Variants in SH3BP1 observed in about 807,000 individuals in gnomAD.
The protein encoded by SH3BP1 is SH3 domain-binding protein 1.
SH3BP1 carries 46 observed loss-of-function variants against 69.8 expected under a neutral mutation model. The observed-to-expected ratio is 0.66, with a 90% CI of 0.52 to 0.84. The LOEUF (loss-of-function observed/expected upper bound fraction) is 0.84. SH3BP1 is among the 40% of genes least tolerant of loss of function. SH3BP1 has a pLI of 0.00. For missense variants in SH3BP1, 868 were observed against 930.9 expected (o/e 0.93, Z 0.88); for synonymous variants, 403 against 378.0 (o/e 1.07, Z -0.77).
At chr22:37,645,629 G>A (rs1249221449) in intron 10 of SH3BP1, 119 bp downstream of exon 10, 1 of 1,199,088 alleles carries the variant, frequency 8.3e-7, no homozygotes, top group Non-Finnish European at 1.2e-6. Context: ...AGCTCCCTGG[G>A]AGAAGACATG....
chr22:37,655,585 A>G lies in SH3BP1; in HGVS notation c.2007A>G (p.Thr669=). 1 of 1,591,748 alleles carries G rather than the reference A, an allele frequency of 6.3e-7. No homozygotes were observed. Among genetic ancestry groups the G allele is most frequent in the South Asian group, 1.1e-5 (1 of 87,812 alleles). ...NPAQVDLGAA[T]AEGGAPEAIS... ...CACAGGTGGACCTGGGGGCTGCCAC[A>G]GCAGAGGGAGGAGCCCCTGAGGCTA... The change falls in exon 18 of 18, where the codon ACA becomes ACG. Residue 669 remains threonine (T), a synonymous_variant. Coordinates refer to ENST00000649765, the MANE Select transcript of SH3BP1 (RefSeq NM_018957.6).
In SH3BP1 at chr22:37,648,321, A is replaced by G; in HGVS notation, c.1202A>G (p.Tyr401Cys). 6.3e-7 allele frequency: 1 copy of G among 1,582,906 alleles called. No individual in the cohort carries two copies. Among genetic ancestry groups the G allele is most frequent in the African/African-American group, 1.3e-5 (1 of 74,688 alleles). ...CCTAAGCCTGCCTCCGCCCTTAGGT[A>G]CCTGATGAAGTTCCTGGCACGGCTG... ...LPPENLSNLR[Y>C]LMKFLARLAE... is the part of the protein sequence containing the mutation. The change falls in exon 14 of 18, where the codon TAC becomes TGC. Residue 401 changes from tyrosine to cysteine, a missense_variant and splice_region_variant. By Grantham distance (194) the Tyr-to-Cys change is radical. This residue lies in a region of SH3BP1 where 474 missense variants were observed against 462.3 expected (regional missense o/e 1.03). Transcript: ENST00000649765.
Position 37,655,851 on chromosome 22 carries a change from C to T in SH3BP1, c.*167C>T, listed in dbSNP as rs1290171652. ...CATGGCCAGGAGGGCTCAGGACAAT[C>T]CTCTATTTCCTGACCTTTTCCTCGT... On this transcript the variant is annotated 3_prime_UTR_variant, in exon 18 of 18. Transcript: ENST00000649765. 2.2e-5 allele frequency: 34 copies of T among 1,515,948 alleles called. No individual in the cohort carries two copies. Among genetic ancestry groups the T allele is most frequent in the Non-Finnish European group, 2.8e-5 (32 of 1,139,208 alleles). 93.9% of individuals were successfully genotyped at this position (1,515,948 alleles called of 1,614,324 possible). A position where few individuals can be genotyped will look rare whatever the true frequency, so the allele number is the denominator to read the frequency against.
At chr22:37,642,648 G>A (rs778380790) in intron 4 of SH3BP1, 33 bp downstream of exon 4, 4 of 1,612,966 alleles carry the variant, frequency 2.5e-6, no homozygotes, top group East Asian at 2.2e-5. Context: ...CCTCACCTGG[G>A]GATACCAAGA....
chr22:37,650,843 C>A, intron 16 of SH3BP1, 118 bp downstream of exon 16: 1 of 1,324,850 alleles, frequency 7.5e-7, no homozygotes, highest in Non-Finnish European at 1.0e-6. Flanking sequence ...GTGTTTTCAT[C>A]CCAAAGACCG....
At position 37,645,390 on chromosome 22, in the gene SH3BP1, C is replaced by T; in HGVS notation, c.804C>T (p.Thr268=). ...ACCACTCCCCTTCGATGACAGCCAC[C>T]CACTTCCCCAGGGTGTATGGGGTGT... ...QADHSPSMTA[T]HFPRVYGVSL... is the part of the protein sequence containing the mutation. Residue 268 remains threonine, a synonymous_variant, in exon 10 of 18, where the codon ACC becomes ACT. Coordinates refer to ENST00000649765, the MANE Select transcript of SH3BP1 (RefSeq NM_018957.6). 2 of 1,611,166 alleles carry T rather than the reference C, an allele frequency of 1.2e-6. No individual in the cohort carries two copies. Among genetic ancestry groups the T allele is most frequent in the Non-Finnish European group, 1.7e-6 (2 of 1,177,612 alleles).
At chr22:37,640,823 G>C (rs1932557472) in intron 1 of SH3BP1, 1 of 459,840 alleles carries the variant, frequency 2.2e-6, no homozygotes, top group African/African-American at 2.0e-5. Flanking sequence ...AGAGGCTTCT[G>C]TGTCCCAAAG....
At position 37,644,875 on chromosome 22, in the gene SH3BP1, G is replaced by C. The variant is rs1473254642; in HGVS notation, c.693G>C (p.Leu231=). Residue 231 remains leucine, a synonymous_variant, in exon 9 of 18, where the codon CTG becomes CTC. Transcript: ENST00000649765. ...GTGTCCCTTCATCCCCACAGCTCCTGGAGATTCAGGCCGATTACCATCGCA... is the reference window on the plus strand; with the variant it reads ...GTGTCCCTTCATCCCCACAGCTCCTCGAGATTCAGGCCGATTACCATCGCA... ...DSYANYFIRL[L]EIQADYHRRS... 11 of 1,614,034 alleles carry C rather than the reference G, an allele frequency of 6.8e-6. No homozygotes were observed. The highest frequency in any genetic ancestry group is 9.3e-6 in the Non-Finnish European group (11 of 1,180,014).
rs1932849522 is a variant in SH3BP1 at position 37,650,119 on chromosome 22, C to G, written c.1317-33C>G. 3 of 1,612,578 alleles carry G rather than the reference C, an allele frequency of 1.9e-6. No individual in the cohort carries two copies. The African/African-American group carries it at 4.0e-5, about 22-fold the overall frequency. Reference sequence around the variant, plus strand: ...CAGCCAGAGAGTTGGGGTCACAAACCCTTTGCTGAGCAGATGCATCTCTTT... The same window carrying G: ...CAGCCAGAGAGTTGGGGTCACAAACGCTTTGCTGAGCAGATGCATCTCTTT... On this transcript the variant is annotated intron_variant, in intron 14 of 17. Coordinates refer to ENST00000649765, the MANE Select transcript of SH3BP1 (RefSeq NM_018957.6).
In SH3BP1 at chr22:37,639,737, C is replaced by A; in HGVS notation, c.-51C>A. 7.9e-7 allele frequency: 1 copy of A among 1,260,650 alleles called. No individual in the cohort carries two copies. 78.1% of individuals were successfully genotyped at this position (1,260,650 alleles called of 1,614,324 possible). On this transcript the variant is annotated 5_prime_UTR_variant, in exon 1 of 18. Transcript: ENST00000649765. Reference sequence around the variant, plus strand: ...AGAGGCAGGCTGGACCGGGGGCTCCCCGGGCCCGCGACCCCCGCCGTGACC... The same window carrying A: ...AGAGGCAGGCTGGACCGGGGGCTCCACGGGCCCGCGACCCCCGCCGTGACC...
chr22:37,642,446 T>C (rs1932631043), intron 3 of SH3BP1, 93 bp from the exon 4 acceptor site: 16 of 1,297,800 alleles, frequency 1.2e-5, no homozygotes, highest in Non-Finnish European at 1.4e-5. Flanking sequence ...CCCTCCTGGG[T>C]TCCCTCCTCC....
rs908349389 is a variant in SH3BP1 at position 37,641,109 on chromosome 22, C to CG, written c.60-17_60-16insG. ...CAGCAGAAGCACTCTCCCCCCCCCC[C>CG]CCACCACTCCCCGCAGCACCCCGGA... On this transcript the variant is annotated splice_polypyrimidine_tract_variant and intron_variant, in intron 1 of 17. Transcript: ENST00000649765. The CG allele has an allele frequency of 1.5e-4, 210 of 1,390,766 alleles. No homozygotes were observed. Among genetic ancestry groups the CG allele is most frequent in the Non-Finnish European group, 2.0e-4 (199 of 1,018,586 alleles). 86.2% of individuals were successfully genotyped at this position (1,390,766 alleles called of 1,614,324 possible).
rs201253777 is a variant in SH3BP1, at chr22:37,641,151, G to A, written c.85G>A (p.Gly29Ser). 1.0e-5 allele frequency: 16 copies of A among 1,548,468 alleles called. No homozygotes were observed. In the East Asian group the frequency reaches 3.4e-4, roughly 33 times the overall value. ...GRTPETAEFLGEDLLQVEQRL... is the reference protein window; with the variant it reads ...GRTPETAEFLSEDLLQVEQRL... ...CACCCCGGAGACCGCTGAGTTCCTG[G>A]GTGAGGACCTGCTGCAGGTACGTGC... Residue 29 changes from glycine to serine, a missense_variant, in exon 2 of 18, where the codon GGT becomes AGT. Gly to Ser is a moderately conservative substitution (Grantham distance 56). Around this residue, in one of 3 missense-constraint regions of SH3BP1, gnomAD observed 387 missense variants for 447.9 expected, o/e 0.86. Coordinates refer to ENST00000649765, the MANE Select transcript of SH3BP1 (RefSeq NM_018957.6).
rs769894481 is a variant in SH3BP1, at chr22:37,655,278, G to T, written c.1700G>T (p.Arg567Leu). 4 of 1,580,292 alleles carry T rather than the reference G, an allele frequency of 2.5e-6. No homozygotes were observed. Among genetic ancestry groups the T allele is most frequent in the South Asian group, 1.1e-5 (1 of 88,578 alleles). Residue 567 changes from arginine (R) to leucine (L), a missense_variant, in exon 18 of 18, where the codon CGC (arginine) becomes CTC (leucine). Physicochemically the swap from Arg to Leu is moderately radical, Grantham distance 102. This residue lies in a region of SH3BP1 where 474 missense variants were observed against 462.3 expected (regional missense o/e 1.03). Coordinates refer to ENST00000649765, the MANE Select transcript of SH3BP1 (RefSeq NM_018957.6). ...PVEDMARRTK[R>L]PAPARPTMPP... ...CCCTTTCCTTCCTCAACAGCCAAGC[G>T]CCCGGCGCCAGCCCGGCCCACCATG...
intron 14 of SH3BP1, chr22:37,649,870 A>C: frequency 1.9e-6 from 1 of 536,990 alleles, no homozygotes; most frequent in Non-Finnish European, 3.4e-6. Flanking sequence ...ACAGATGGCA[A>C]GATTTCCTCC....
chr22:37,641,716 C>A, intron 3 of SH3BP1: 1 of 514,516 alleles, frequency 1.9e-6, no homozygotes. Context: ...CTTCTGACAG[C>A]ACCTGAACTT....
chr22:37,645,040 GA>G, intron 9 of SH3BP1, 80 bp downstream of exon 9: 2 of 1,297,112 alleles, frequency 1.5e-6, no homozygotes, highest in Non-Finnish European at 2.2e-6. Context: ...ACTTCATCCT[GA>G]AAGGTAGCAG....
Position 37,647,431 on chromosome 22 carries a change from T to G in SH3BP1, c.1119-10T>G. The G allele has an allele frequency of 6.2e-7, 1 of 1,607,902 alleles. No individual in the cohort carries two copies. On this transcript the variant is annotated splice_polypyrimidine_tract_variant and intron_variant, in intron 12 of 17. Transcript: ENST00000649765. ...TGCGCTGGCTGACAGGTCTCTCCAC[T>G]CCCCCCCAGCCTGAAGGAGCCAGGG... is the stretch of plus-strand genomic sequence containing the variant.
Position 37,642,128 on chromosome 22 carries a change from A to G in SH3BP1, c.208-411A>G, listed in dbSNP as rs191691329. 1.7e-4 allele frequency: 33 copies of G among 199,364 alleles called. 1 individual carries two copies. In the East Asian group the frequency reaches 3.3e-3, roughly 20 times the overall value. The allele number at this position is 199,364 out of a possible 1,614,324, so 12.3% of individuals were successfully genotyped here. On this transcript the variant is annotated intron_variant, in intron 3 of 17. Transcript: ENST00000649765. ...CAATTCAGTGTGGCCAAGGCAAGGA[A>G]ATTGGGAGCCATAGAGCGTTTGAAC...
Sources: allele counts gnomAD v4.1 joint callset, GRCh38; gene constraint gnomAD v4.1.1; regional missense constraint gnomAD v4.1.1; transcripts MANE v1.5; gene names NCBI Gene and HGNC (gene_info 2026-07-23, HGNC 2026-07-21).